PTPRT: variants seen among roughly 807,000 people sequenced by gnomAD.
PTPRT encodes protein tyrosine phosphatase receptor type T, also known as receptor-type tyrosine-protein phosphatase T.
In PTPRT, 56 loss-of-function variants were observed where a neutral mutation model predicts 176.8. That is an observed-to-expected ratio of 0.32 (90% CI 0.26 to 0.40). The LOEUF (loss-of-function observed/expected upper bound fraction) is 0.40. PTPRT is among the 10% of genes least tolerant of loss of function. The pLI, the probability that PTPRT is intolerant of heterozygous loss-of-function variation, is 1.00. For missense variants in PTPRT, 1,540 were observed against 1,908.2 expected (o/e 0.81, Z 3.60); for synonymous variants, 783 against 739.0 (o/e 1.06, Z -0.96).
At position 42,078,273 on chromosome 20, in the gene PTPRT, A is replaced by G. The variant is rs558950120; in HGVS notation, c.*2606T>C. On this transcript the variant is annotated 3_prime_UTR_variant, in exon 31 of 31. Transcript: ENST00000373187. ...CCTTGATCAAGTCTGGTGTCCCTGGACTTCTGGACAGCTCCAGAGCCCATG... is the reference window on the plus strand; with the variant it reads ...CCTTGATCAAGTCTGGTGTCCCTGGGCTTCTGGACAGCTCCAGAGCCCATG... The G allele has an allele frequency of 4.8e-6, 1 of 207,118 alleles. No homozygotes were observed. The highest frequency in any genetic ancestry group is 7.3e-5 in the East Asian group (1 of 13,714). The allele number at this position is 207,118 out of a possible 1,614,324, so 12.8% of individuals were successfully genotyped here. A position where few individuals can be genotyped will look rare whatever the true frequency, so the allele number is the denominator to read the frequency against.
chr20:43,180,327 T>G, intron 1 of PTPRT, among the ~76,000 whole-genome samples: 1 of 78,564 alleles, frequency 1.3e-5, no homozygotes, highest in African/African-American at 4.9e-5. Flanking sequence ...CCAATTCCTA[T>G]AAGAAATGAA....
At chr20:42,799,302 C>T (rs1340087045) in intron 2 of PTPRT, among the ~76,000 whole-genome samples, 1 of 152,094 alleles carries the variant, frequency 6.6e-6, no homozygotes, top group Non-Finnish European at 1.5e-5. Context: ...AGCAGAATAA[C>T]ATGTAAACTA....
At chr20:42,068,224 G>A (rs182296690), downstream of PTPRT, among the ~76,000 whole-genome samples, 12 of 152,264 alleles carry the variant, frequency 7.9e-5, no homozygotes, top group East Asian at 2.3e-3. Context: ...TGTGGCACAG[G>A]AAACAAGAGC....
chr20:42,780,836 G>A (rs6130214), intron 3 of PTPRT, among the ~76,000 whole-genome samples: 3 of 152,140 alleles, frequency 2.0e-5, no homozygotes, highest in Non-Finnish European at 2.9e-5. Flanking sequence ...AGGAGTAGAA[G>A]GCAACTGACT....
In PTPRT at chr20:42,098,296, C is replaced by G. The variant is rs1011299339; in HGVS notation, c.3846+125G>C. ...GGCTTGTCTGATGCTCGTGGCCAGA[C>G]ACTGCTTATTACAAGACAGCTGGCT... On this transcript the variant is annotated intron_variant, in intron 27 of 30. Coordinates refer to ENST00000373187, the MANE Select transcript of PTPRT (RefSeq NM_007050.6). 1.2e-5 allele frequency: 16 copies of G among 1,342,514 alleles called. 1 individual carries two copies. In the South Asian group the frequency reaches 2.1e-4, roughly 18 times the overall value. The allele number at this position is 1,342,514 out of a possible 1,614,324, so 83.2% of individuals were successfully genotyped here. A position where few individuals can be genotyped will look rare whatever the true frequency, so the allele number is the denominator to read the frequency against.
intron 7 of PTPRT, among the ~76,000 whole-genome samples, chr20:42,474,140 T>C (rs1568912106): frequency 6.6e-6 from 1 of 152,114 alleles, no homozygotes; most frequent in Non-Finnish European, 1.5e-5. Flanking sequence ...GTAATAATAA[T>C]AGTGTTCCGC....
intron 3 of PTPRT, among the ~76,000 whole-genome samples, chr20:42,781,764 T>A (rs550588261): frequency 6.6e-6 from 1 of 152,332 alleles, no homozygotes; most frequent in African/African-American, 2.4e-5. Flanking sequence ...TAAAACTGCT[T>A]ACACGGAAGA....
chr20:42,815,900 T>C (rs935285625), intron 2 of PTPRT, among the ~76,000 whole-genome samples: 6 of 152,238 alleles, frequency 3.9e-5, no homozygotes, highest in South Asian at 2.1e-4. Context: ...CAAGACTACT[T>C]ACTCTTTCTT....
chr20:43,016,303 C>A (rs1249438821), intron 1 of PTPRT, among the ~76,000 whole-genome samples: 1 of 152,214 alleles, frequency 6.6e-6, no homozygotes, highest in Non-Finnish European at 1.5e-5. Flanking sequence ...CCTTGCTCTG[C>A]CATCAGGCTC....
intron 9 of PTPRT, among the ~76,000 whole-genome samples, chr20:42,395,169 C>T (rs1369208029): frequency 6.6e-6 from 1 of 152,150 alleles, no homozygotes. Context: ...CTGTTTCCTA[C>T]TTTATGGAGT....
chr20:42,270,507 G>A, intron 13 of PTPRT: 2 of 1,498,714 alleles, frequency 1.3e-6, no homozygotes, highest in Non-Finnish European at 9.1e-7. Flanking sequence ...AGGAGAGAAA[G>A]AAACACACAT....
chr20:43,105,304 T>C (rs1438959111), intron 1 of PTPRT, among the ~76,000 whole-genome samples: 2 of 152,196 alleles, frequency 1.3e-5, no homozygotes, highest in Admixed American at 1.3e-4. Context: ...TGGACTCCAC[T>C]GCTTCCAGCT....
At chr20:42,493,670 C>T (rs948243362) in intron 7 of PTPRT, among the ~76,000 whole-genome samples, 2 of 152,252 alleles carry the variant, frequency 1.3e-5, no homozygotes, top group African/African-American at 4.8e-5. Context: ...TGACATTTCA[C>T]GTAGCCCCAC....
intron 1 of PTPRT, among the ~76,000 whole-genome samples, chr20:43,013,171 A>G (rs1985212077): frequency 1.3e-5 from 2 of 151,534 alleles, no homozygotes; most frequent in South Asian, 4.2e-4. Context: ...AATTTTTTTC[A>G]CTCTCTAATA....
the PTPRT span, among the ~76,000 whole-genome samples, chr20:42,040,626 T>A: frequency 6.6e-6 from 1 of 152,092 alleles, no homozygotes; most frequent in South Asian, 2.1e-4. Context: ...TGCAAAACAG[T>A]GTAAATTGAG....
chr20:42,923,249 C>T (rs1979273755), intron 1 of PTPRT, among the ~76,000 whole-genome samples: 1 of 152,182 alleles, frequency 6.6e-6, no homozygotes, highest in South Asian at 2.1e-4. Context: ...AGCAAAGCCA[C>T]AGATTGGGTA....
chr20:42,653,299 C>A (rs143289597), intron 7 of PTPRT, among the ~76,000 whole-genome samples: 52 of 152,256 alleles, frequency 3.4e-4, no homozygotes, highest in Non-Finnish European at 5.6e-4. Flanking sequence ...CTCCTAAGTC[C>A]TGCAAAACTG....
At chr20:42,596,954 T>C (rs2073681873) in intron 7 of PTPRT, among the ~76,000 whole-genome samples, 2 of 152,318 alleles carry the variant, frequency 1.3e-5, no homozygotes, top group South Asian at 2.1e-4. Flanking sequence ...AACAAATAAC[T>C]ATAAATTTAG....
chr20:42,430,335 C>T (rs1438383786), intron 9 of PTPRT, among the ~76,000 whole-genome samples: 1 of 152,190 alleles, frequency 6.6e-6, no homozygotes, highest in Non-Finnish European at 1.5e-5. Context: ...GCAGACAACT[C>T]AGTACTGTAC....
Sources: gnomAD v4.1 joint callset for allele counts (sites outside exome capture counted in the v4.1 genomes callset) on GRCh38, gnomAD v4.1.1 for gene constraint, MANE v1.5 for transcripts, NCBI Gene and HGNC (gene_info 2026-07-23, HGNC 2026-07-21) for gene names.